The following RAPGEF5 variants were observed in gnomAD, a reference collection of about 807,000 sequenced individuals.
RAPGEF5 encodes the protein M-Ras-regulated GEF.
In RAPGEF5, 65 loss-of-function variants were observed where a neutral mutation model predicts 125.2. The ratio of observed to expected loss-of-function variants is 0.52; its 90% CI spans 0.43 to 0.64. The LOEUF is 0.64. RAPGEF5 is among the 30% of genes least tolerant of loss of function. RAPGEF5 has a pLI of 0.00. For missense variants in RAPGEF5, 958 were observed against 1,048.1 expected (o/e 0.91, Z 1.19); for synonymous variants, 391 against 385.9 (o/e 1.01, Z -0.16).
intron 5 of RAPGEF5, among the ~76,000 whole-genome samples, chr7:22,293,895 C>T (rs1232281244): frequency 6.6e-6 from 1 of 152,142 alleles, no homozygotes; most frequent in African/African-American, 2.4e-5. Flanking sequence ...ACTAAATCGC[C>T]CAAAAATACC....
In RAPGEF5 at chr7:22,157,039, G is replaced by A. The variant is rs547146668; in HGVS notation, c.1558-151C>T. On this transcript the variant is annotated intron_variant, in intron 15 of 25. Transcript: ENST00000665637. ...ATCTTAGAGAAATAAACTGGGAGTC[G>A]CCTCAACTAATGCAAGTGGTGGTGG... 1.7e-4 allele frequency among the ~76,000 whole-genome samples: 26 copies of A among 152,192 alleles called. No homozygotes were observed. In the South Asian group the frequency reaches 4.6e-3, roughly 27 times the overall value.
chr7:22,158,257 C>G (rs575487370), intron 14 of RAPGEF5, among the ~76,000 whole-genome samples: 4 of 152,288 alleles, frequency 2.6e-5, no homozygotes, highest in African/African-American at 4.8e-5. Context: ...GTGATAGTGA[C>G]AGATTTTAGG....
In RAPGEF5 at chr7:22,121,170, C is replaced by T. The variant is rs1219445178; in HGVS notation, c.*1236G>A. 7.1e-6 allele frequency: 1 copy of T among 141,012 alleles called. No homozygotes were observed. Among genetic ancestry groups the T allele is most frequent in the Non-Finnish European group, 1.5e-5 (1 of 66,494 alleles). The allele number at this position is 141,012 out of a possible 1,614,324, so 8.7% of individuals were successfully genotyped here. A position where few individuals can be genotyped will look rare whatever the true frequency, so the allele number is the denominator to read the frequency against. Reference sequence around the variant, plus strand: ...AAATATCAAGAGGTCTTATTTGCTACAGGAGCCTCAATTGGTAAAAATGGG... The same window carrying T: ...AAATATCAAGAGGTCTTATTTGCTATAGGAGCCTCAATTGGTAAAAATGGG... On this transcript the variant is annotated 3_prime_UTR_variant, in exon 26 of 26. Transcript: ENST00000665637.
intron 9 of RAPGEF5, among the ~76,000 whole-genome samples, chr7:22,199,366 T>G (rs963202569): frequency 2.6e-5 from 4 of 152,024 alleles, no homozygotes; most frequent in African/African-American, 9.7e-5. Flanking sequence ...TGGGCACCTA[T>G]GTCTATGCAA....
intron 11 of RAPGEF5, among the ~76,000 whole-genome samples, chr7:22,186,148 G>A (rs777028643): frequency 3.9e-5 from 6 of 152,162 alleles, no homozygotes; most frequent in Non-Finnish European, 8.8e-5. Flanking sequence ...CTAAGTAGCA[G>A]CCCAGTCCAG....
chr7:22,231,838 A>T (rs1488507452), intron 7 of RAPGEF5, among the ~76,000 whole-genome samples: 1 of 152,228 alleles, frequency 6.6e-6, no homozygotes, highest in African/African-American at 2.4e-5. Context: ...TAGAGACCAC[A>T]ATAAATTCAG....
At chr7:22,309,653 C>G (rs1214343254) in intron 4 of RAPGEF5, among the ~76,000 whole-genome samples, 7 of 152,062 alleles carry the variant, frequency 4.6e-5, no homozygotes, top group Non-Finnish European at 8.8e-5. Context: ...ACACTTAGAG[C>G]AACTAAAGAT....
intron 18 of RAPGEF5, among the ~76,000 whole-genome samples, chr7:22,149,391 C>T (rs1250474841): frequency 6.6e-6 from 1 of 152,214 alleles, no homozygotes; most frequent in Non-Finnish European, 1.5e-5. Context: ...CCAGCGATGG[C>T]TCCATGAAGA....
At chr7:22,279,585 C>G (rs1782629834) in intron 6 of RAPGEF5, among the ~76,000 whole-genome samples, 1 of 152,136 alleles carries the variant, frequency 6.6e-6, no homozygotes, top group Admixed American at 6.6e-5. Context: ...GCTAGGTGCA[C>G]CCCCACAGAT....
At chr7:22,190,049 A>G (rs1053424988) in intron 11 of RAPGEF5, among the ~76,000 whole-genome samples, 6 of 152,168 alleles carry the variant, frequency 3.9e-5, no homozygotes, top group African/African-American at 1.4e-4. Flanking sequence ...TAGGAGGCCG[A>G]GGCAGGTGGA....
intron 9 of RAPGEF5, among the ~76,000 whole-genome samples, chr7:22,195,091 C>G (rs774653381): frequency 6.6e-6 from 1 of 152,164 alleles, no homozygotes; most frequent in Non-Finnish European, 1.5e-5. Flanking sequence ...TTAAAAAAGG[C>G]ACTATGTGCT....
chr7:22,168,899 T>G (rs908185701), intron 11 of RAPGEF5, among the ~76,000 whole-genome samples: 1 of 152,254 alleles, frequency 6.6e-6, no homozygotes, highest in African/African-American at 2.4e-5. Flanking sequence ...TAACAGAATT[T>G]ATCTGAAAGA....
chr7:22,183,964 C>T (rs558964729), intron 11 of RAPGEF5, among the ~76,000 whole-genome samples: 3 of 152,222 alleles, frequency 2.0e-5, no homozygotes, highest in Non-Finnish European at 4.4e-5. Context: ...TTTCCATTTC[C>T]TATCTTCAGA....
chr7:22,301,648 T>G (rs1298181390), intron 5 of RAPGEF5, among the ~76,000 whole-genome samples: 1 of 146,620 alleles, frequency 6.8e-6, no homozygotes. Flanking sequence ...TAAGAGTAGA[T>G]AGGCCGAAAA....
At chr7:22,241,676 G>A (rs1317775609) in intron 7 of RAPGEF5, among the ~76,000 whole-genome samples, 1 of 152,104 alleles carries the variant, frequency 6.6e-6, no homozygotes, top group Non-Finnish European at 1.5e-5. Context: ...CTTAATCAAT[G>A]TTAGTGACTT....
At chr7:22,294,907 A>G (rs1382408658) in intron 5 of RAPGEF5, among the ~76,000 whole-genome samples, 4 of 152,270 alleles carry the variant, frequency 2.6e-5, no homozygotes, top group Non-Finnish European at 5.9e-5. Flanking sequence ...ATACTTAAAA[A>G]TATGTAATTA....
At chr7:22,172,436 T>C (rs1040630621) in intron 11 of RAPGEF5, among the ~76,000 whole-genome samples, 2 of 152,172 alleles carry the variant, frequency 1.3e-5, no homozygotes, top group East Asian at 1.9e-4. Context: ...TTTTAATTTT[T>C]AGGTCATATA....
chr7:22,217,773 G>C (rs886696843), intron 9 of RAPGEF5, among the ~76,000 whole-genome samples: 1 of 152,206 alleles, frequency 6.6e-6, no homozygotes, highest in South Asian at 2.1e-4. Flanking sequence ...AAACAAAAAC[G>C]TTTCAGAGCT....
At chr7:22,305,154 G>A (rs1160327866) in intron 5 of RAPGEF5, among the ~76,000 whole-genome samples, 3 of 152,176 alleles carry the variant, frequency 2.0e-5, no homozygotes, top group Admixed American at 6.5e-5. Flanking sequence ...GACCTTGGAC[G>A]GGTTACCCGA....
Sources: allele counts gnomAD v4.1 joint callset (sites outside exome capture counted in the v4.1 genomes callset), GRCh38; gene constraint gnomAD v4.1.1; transcripts MANE v1.5; gene names NCBI Gene and HGNC (gene_info 2026-07-23, HGNC 2026-07-21).